Variants in INTS6 observed in about 807,000 individuals in gnomAD.
INTS6 encodes DEAD box protein.
A neutral mutation model predicts 104.9 loss-of-function variants in INTS6; 16 were observed. The observed-to-expected ratio is 0.15, with a 90% confidence interval of 0.10 to 0.23. The LOEUF (loss-of-function observed/expected upper bound fraction) is 0.23. Among genes scored for constraint, INTS6 ranks in the 10% least tolerant of loss-of-function variants. The probability of loss-of-function intolerance (pLI) is 1.00; values close to 1 mark genes in which losing one functional copy is unlikely to be tolerated. For synonymous variants in INTS6, 324 were observed against 358.7 expected (o/e 0.90, Z 1.09); for missense variants, 584 against 1,062.8 (o/e 0.55, Z 6.26).
chr13:51,368,047 T>G (rs974455629), intron 16 of INTS6, 149 bp from the exon 17 acceptor site: 20 of 508,400 alleles, frequency 3.9e-5, no homozygotes, highest in Non-Finnish European at 6.2e-5. Context: ...GATTTTATAT[T>G]TTAACATATA....
chr13:51,426,206 T>C (rs1956982558), intron 4 of INTS6, among the ~76,000 whole-genome samples: 1 of 152,058 alleles, frequency 6.6e-6, no homozygotes, highest in South Asian at 2.1e-4. Flanking sequence ...TCCTAACTCA[T>C]AACACATTGC....
chr13:51,381,923 G>T (rs113028343), intron 10 of INTS6, 106 bp downstream of exon 10: 6,464 of 503,932 alleles, frequency 0.013, 98 homozygotes, highest in East Asian at 0.06. Flanking sequence ...GGCTGGTCTT[G>T]ATCTCCTGAC....
At chr13:51,406,559 A>G (rs926142168) in intron 4 of INTS6, among the ~76,000 whole-genome samples, 2 of 152,182 alleles carry the variant, frequency 1.3e-5, no homozygotes, top group African/African-American at 4.8e-5. Context: ...TTCTGCCATC[A>G]CCAACCTCCT....
At chr13:51,441,452 C>T (rs908840263) in intron 3 of INTS6, 3 of 152,006 alleles carry the variant, frequency 2.0e-5, no homozygotes, top group Admixed American at 6.6e-5. Context: ...CTTGTCAGGT[C>T]ACGAGTGGAA....
At position 51,364,624 on chromosome 13, in the gene INTS6, G is replaced by A. The variant is rs768149296; in HGVS notation, c.*1128C>T. The stretch of plus-strand genomic sequence containing the variant: ...GAATTGAGGGTGGAGAATGAATAGC[G>A]TGGTTTTCCTTATCCTGTGAAACTC... On this transcript the variant is annotated 3_prime_UTR_variant, in exon 18 of 18. Coordinates refer to ENST00000311234, the MANE Select transcript of INTS6 (RefSeq NM_012141.3). 5.8e-5 allele frequency: 11 copies of A among 189,776 alleles called. No individual in the cohort carries two copies. The highest frequency in any genetic ancestry group is 1.2e-4 in the East Asian group (1 of 8,064). 11.8% of individuals were successfully genotyped at this position (189,776 alleles called of 1,614,324 possible).
intron 4 of INTS6, among the ~76,000 whole-genome samples, chr13:51,415,963 G>A (rs150513710): frequency 5.3e-5 from 8 of 152,290 alleles, no homozygotes; most frequent in Non-Finnish European, 7.4e-5. Flanking sequence ...AGCCAAAGCA[G>A]AGCCAGGAAA....
intron 4 of INTS6, among the ~76,000 whole-genome samples, chr13:51,399,351 C>T (rs976976446): frequency 7.2e-5 from 11 of 152,108 alleles, no homozygotes; most frequent in African/African-American, 2.7e-4. Context: ...GGACTACAGG[C>T]ACGTGCCACC....
chr13:51,373,852 A>G (rs1955862499), intron 15 of INTS6, among the ~76,000 whole-genome samples: 1 of 152,244 alleles, frequency 6.6e-6, no homozygotes, highest in South Asian at 2.1e-4. Context: ...TATACCTCAA[A>G]GCACAGCATT....
intron 4 of INTS6, among the ~76,000 whole-genome samples, chr13:51,405,990 T>G (rs1956556974): frequency 6.6e-6 from 1 of 152,212 alleles, no homozygotes; most frequent in Non-Finnish European, 1.5e-5. Flanking sequence ...CATTCAAAAC[T>G]ACTTCCCAGT....
At chr13:51,442,485 C>T (rs1476798184) in intron 3 of INTS6, 3 of 152,222 alleles carry the variant, frequency 2.0e-5, no homozygotes, top group Non-Finnish European at 4.4e-5. Context: ...TGCAAGGGTT[C>T]TGGGTTCTCA....
At chr13:51,401,312 A>T (rs1258086226) in intron 4 of INTS6, among the ~76,000 whole-genome samples, 1 of 152,162 alleles carries the variant, frequency 6.6e-6, no homozygotes, top group Non-Finnish European at 1.5e-5. Flanking sequence ...TTTAAAGATA[A>T]ATAATAAAAT....
At chr13:51,416,765 G>C (rs1956795184) in intron 4 of INTS6, among the ~76,000 whole-genome samples, 1 of 152,088 alleles carries the variant, frequency 6.6e-6, no homozygotes, top group Non-Finnish European at 1.5e-5. Flanking sequence ...GTTAGCATAA[G>C]GTAACTCTAT....
intron 10 of INTS6, 67 bp from the exon 11 acceptor site, chr13:51,379,639 C>T: frequency 1.2e-6 from 1 of 860,386 alleles, no homozygotes; most frequent in Middle Eastern, 2.5e-4. Context: ...CATGTATAGT[C>T]TGTCTTAAAA....
At chr13:51,451,720 GCGCCGCCGCCGC>G (rs551582945) in intron 2 of INTS6, 13 of 193,734 alleles carry the variant, frequency 6.7e-5, no homozygotes, top group East Asian at 1.5e-4. Flanking sequence ...GTTGATAGCA[GCGCCGCCGCCGC>G]CGCCGCCGCC....
chr13:51,365,344 T>C lies in INTS6; in HGVS notation c.*408A>G, dbSNP rs1955664206. ...ATAACTGTATATACAAAACATTACCTAGTTTTAATGTATGTGCTTTTTTCC... is the reference window on the plus strand; with the variant it reads ...ATAACTGTATATACAAAACATTACCCAGTTTTAATGTATGTGCTTTTTTCC... On this transcript the variant is annotated 3_prime_UTR_variant, in exon 18 of 18. Transcript: ENST00000311234. 1 of 155,142 alleles carries C rather than the reference T, an allele frequency of 6.4e-6. No homozygotes were observed. Among genetic ancestry groups the C allele is most frequent in the Middle Eastern group, 3.3e-3 (1 of 302 alleles). 9.6% of individuals were successfully genotyped at this position (155,142 alleles called of 1,614,324 possible). A position where few individuals can be genotyped will look rare whatever the true frequency, so the allele number is the denominator to read the frequency against.
At chr13:51,338,593 G>T in the INTS6 span, among the ~76,000 whole-genome samples, 2 of 152,162 alleles carry the variant, frequency 1.3e-5, no homozygotes, top group African/African-American at 2.4e-5. Flanking sequence ...CCCTCTCTGG[G>T]TGCTATAGAA....
At chr13:51,370,895 C>CTAT (rs1165774981) in intron 15 of INTS6, among the ~76,000 whole-genome samples, 9 of 152,228 alleles carry the variant, frequency 5.9e-5, no homozygotes, top group African/African-American at 2.2e-4. Context: ...GTTAGCCACC[C>CTAT]TATTCCCTAG....
At chr13:51,429,782 AAAAATAT>A (rs1384199389) in intron 4 of INTS6, among the ~76,000 whole-genome samples, 1 of 130,586 alleles carries the variant, frequency 7.7e-6, no homozygotes, top group Non-Finnish European at 1.6e-5. Flanking sequence ...AAAAAAAAAA[AAAAATAT>A]ATATATATAT....
At chr13:51,431,756 C>A (rs1253375786) in intron 3 of INTS6, among the ~76,000 whole-genome samples, 1 of 152,008 alleles carries the variant, frequency 6.6e-6, no homozygotes, top group African/African-American at 2.4e-5. Context: ...GAGAAAGATT[C>A]CTTTGGTTAA....
Sources: allele counts gnomAD v4.1 joint callset (sites outside exome capture counted in the v4.1 genomes callset), GRCh38; gene constraint gnomAD v4.1.1; transcripts MANE v1.5; gene names NCBI Gene and HGNC (gene_info 2026-07-23, HGNC 2026-07-21).